Variants in AKAP13 observed in about 807,000 individuals in gnomAD.
The protein encoded by AKAP13 is A-kinase anchoring protein 13.
Under a neutral mutation model 264.5 loss-of-function variants are expected in AKAP13, and 80 were observed. The observed-to-expected ratio is 0.30, with a 90% confidence interval of 0.25 to 0.36. The LOEUF (loss-of-function observed/expected upper bound fraction) is 0.36. Ranked by LOEUF, AKAP13 falls within the 10% of genes least tolerant of loss-of-function variation. The probability of loss-of-function intolerance (pLI) is 1.00; values close to 1 mark genes in which losing one functional copy is unlikely to be tolerated. For synonymous variants in AKAP13, 1,380 were observed against 1,250.2 expected (o/e 1.10, Z -2.19); for missense variants, 3,712 against 3,435.2 (o/e 1.08, Z -2.01).
In AKAP13 at chr15:85,722,286, T is replaced by A; in HGVS notation, c.6435T>A (p.Leu2145=). 6.2e-7 allele frequency: 1 copy of A among 1,613,892 alleles called. No individual in the cohort carries two copies. Among genetic ancestry groups the A allele is most frequent in the African/African-American group, 1.3e-5 (1 of 75,028 alleles). ...RRLGIPECIL[L]VTQRITKYPV... Reference sequence around the variant, plus strand: ...TTGGAATTCCAGAGTGCATATTGCTTGTAACTCAGCGGATTACCAAGTACC... The same window carrying A: ...TTGGAATTCCAGAGTGCATATTGCTAGTAACTCAGCGGATTACCAAGTACC... The change falls in exon 25 of 37, where the codon CTT becomes CTA. Residue 2145 remains leucine (L), a synonymous_variant. Coordinates refer to ENST00000394518, the MANE Select transcript of AKAP13 (RefSeq NM_007200.5).
intron 17 of AKAP13, among the ~76,000 whole-genome samples, chr15:85,703,749 A>G (rs2086062839): frequency 6.6e-6 from 1 of 151,988 alleles, no homozygotes; most frequent in African/African-American, 2.4e-5. Flanking sequence ...AGGCTGAGAC[A>G]GCAGAATCAC....
chr15:85,704,029 G>C (rs1365723358), intron 17 of AKAP13, among the ~76,000 whole-genome samples: 1 of 152,048 alleles, frequency 6.6e-6, no homozygotes, highest in Non-Finnish European at 1.5e-5. Context: ...TTCTTGGTTA[G>C]AGTTGAAATG....
Position 85,632,978 on chromosome 15 carries a change from GTC to G in AKAP13, c.4162-6393_4162-6392del, listed in dbSNP as rs567727161. The stretch of plus-strand genomic sequence containing the variant: ...ACTCCATGGTTCAAGCGATTCTCCT[GTC>G]TCAGCCTCCCAAGTAGCTGGGACTA... On this transcript the variant is annotated intron_variant, in intron 8 of 36. Transcript: ENST00000394518. Among the ~76,000 whole-genome samples the G allele has an allele frequency of 2.2e-3, 332 of 152,148 alleles. 1 individual carries two copies. Among genetic ancestry groups the G allele is most frequent in the African/African-American group, 7.7e-3 (320 of 41,504 alleles).
chr15:85,667,247 T>G lies in AKAP13; in HGVS notation c.4993-2475T>G, dbSNP rs185477022. On this transcript the variant is annotated intron_variant, in intron 13 of 36. Coordinates refer to ENST00000394518, the MANE Select transcript of AKAP13 (RefSeq NM_007200.5). Reference sequence around the variant, plus strand: ...ACTGAAGGATTATCTTAGTAATTATTGTAACACTTATGCTTGTGTGAGACC... The same window carrying G: ...ACTGAAGGATTATCTTAGTAATTATGGTAACACTTATGCTTGTGTGAGACC... 4.8e-3 allele frequency among the ~76,000 whole-genome samples: 729 copies of G among 152,346 alleles called. 4 individuals carry two copies. Among genetic ancestry groups the G allele is most frequent in the Non-Finnish European group, 7.9e-3 (536 of 68,028 alleles).
At chr15:85,567,714 A>G (rs2078653711) in intron 5 of AKAP13, among the ~76,000 whole-genome samples, 1 of 152,136 alleles carries the variant, frequency 6.6e-6, no homozygotes, top group South Asian at 2.1e-4. Flanking sequence ...TTTATGTAAC[A>G]TGGCCCAAAA....
At chr15:85,546,884 C>T (rs1448739084) in intron 5 of AKAP13, among the ~76,000 whole-genome samples, 1 of 152,104 alleles carries the variant, frequency 6.6e-6, no homozygotes, top group Non-Finnish European at 1.5e-5. Flanking sequence ...GCTGGGATTA[C>T]AGGCATGCGC....
intron 10 of AKAP13, among the ~76,000 whole-genome samples, chr15:85,655,205 A>G (rs1370785984): frequency 6.6e-6 from 1 of 152,138 alleles, no homozygotes; most frequent in East Asian, 1.9e-4. Flanking sequence ...CAAACAAAAA[A>G]AAGAGGATAG....
rs1211837223 is a variant in AKAP13, at chr15:85,724,119, T to G, written c.6745+799T>G. Among the ~76,000 whole-genome samples, 3 of 152,184 alleles carry G rather than the reference T, an allele frequency of 2.0e-5. No homozygotes were observed. The highest frequency in any genetic ancestry group is 4.4e-5 in the Non-Finnish European group (3 of 68,040). On this transcript the variant is annotated intron_variant, in intron 26 of 36. Transcript: ENST00000394518. This position sits in a 1 kb window ranked among gnomAD's most constrained non-coding sequence, Gnocchi z 4.2. ...ATTGAAGCAGGGTAGGCCAGTACTG[T>G]CAGCCTCACTGGCATAGAAAGAAGG...
At chr15:85,498,691 A>C (rs1026530642) in intron 2 of AKAP13, among the ~76,000 whole-genome samples, 1 of 152,062 alleles carries the variant, frequency 6.6e-6, no homozygotes, top group Non-Finnish European at 1.5e-5. Flanking sequence ...ACATCCTATA[A>C]AACTTGCTTA....
rs138704274 is a variant in AKAP13, at chr15:85,614,139, T to C, written c.4162-25235T>C. Among the ~76,000 whole-genome samples, 537 of 152,272 alleles carry C rather than the reference T, an allele frequency of 3.5e-3. 2 individuals are homozygous for C. The highest frequency in any genetic ancestry group is 6.3e-3 in the Admixed American group (96 of 15,294). On this transcript the variant is annotated intron_variant, in intron 8 of 36. Coordinates refer to ENST00000394518, the MANE Select transcript of AKAP13 (RefSeq NM_007200.5). ...TGTGCACCATGTCAGAGGATTTTGTTTGGGGCATCCACATCACAAGAAGTA... is the reference window on the plus strand; with the variant it reads ...TGTGCACCATGTCAGAGGATTTTGTCTGGGGCATCCACATCACAAGAAGTA...
intron 1 of AKAP13, among the ~76,000 whole-genome samples, chr15:85,464,527 C>G (rs2074651369): frequency 6.6e-6 from 1 of 151,992 alleles, no homozygotes; most frequent in African/African-American, 2.4e-5. Flanking sequence ...GCCAGTTATC[C>G]TAGGTCATTT....
intron 8 of AKAP13, among the ~76,000 whole-genome samples, chr15:85,586,295 A>C (rs1321714519): frequency 6.6e-6 from 1 of 150,464 alleles, no homozygotes; most frequent in East Asian, 2.0e-4. Context: ...GGTGAAAGCG[A>C]TTCTCCTGCC....
intron 1 of AKAP13, among the ~76,000 whole-genome samples, chr15:85,450,321 A>C (rs2074039987): frequency 6.6e-6 from 1 of 150,900 alleles, no homozygotes; most frequent in Non-Finnish European, 1.5e-5. Context: ...CTTCTTAATT[A>C]GTTTAGCGAT....
chr15:85,662,379 C>G (rs1436563395), intron 12 of AKAP13: 55 of 1,613,978 alleles, frequency 3.4e-5, no homozygotes, highest in Non-Finnish European at 4.1e-5. Context: ...TCTTTGATGT[C>G]ATCCCCAGTA....
intron 8 of AKAP13, among the ~76,000 whole-genome samples, chr15:85,604,392 T>C (rs969453083): frequency 2.0e-5 from 3 of 152,024 alleles, no homozygotes; most frequent in African/African-American, 7.2e-5. Flanking sequence ...GTGATTCATC[T>C]TTCTGTCTGT....
At chr15:85,740,412 G>C in intron 34 of AKAP13, 140 bp downstream of exon 34, 1 of 900,512 alleles carries the variant, frequency 1.1e-6, no homozygotes, top group Non-Finnish European at 1.7e-6. Flanking sequence ...ACTGGCTCTC[G>C]TGGTGAGAAA....
At chr15:85,609,593 T>C (rs74025635) in intron 8 of AKAP13, among the ~76,000 whole-genome samples, 2,853 of 152,364 alleles carry the variant, frequency 0.019, 92 homozygotes, top group African/African-American at 0.065. Flanking sequence ...AATACTGATT[T>C]CCTGTCCTTT....
chr15:85,409,209 C>G (rs1027314193), intron 1 of AKAP13, among the ~76,000 whole-genome samples: 6 of 151,640 alleles, frequency 4.0e-5, no homozygotes, highest in Non-Finnish European at 8.8e-5. Context: ...GATGGAGTTT[C>G]ACTCGTCGCC....
At chr15:85,586,720 G>T (rs1044906869) in intron 8 of AKAP13, among the ~76,000 whole-genome samples, 2 of 152,120 alleles carry the variant, frequency 1.3e-5, no homozygotes, top group Admixed American at 1.3e-4. Flanking sequence ...GAGGTCGGAA[G>T]TTCAAGATCA....
Sources: gnomAD v4.1 joint callset for allele counts (sites outside exome capture counted in the v4.1 genomes callset) on GRCh38, gnomAD v4.1.1 for gene constraint, Gnocchi (gnomAD v3.1) non-coding constraint, MANE v1.5 for transcripts, NCBI Gene and HGNC (gene_info 2026-07-23, HGNC 2026-07-21) for gene names.